OR51B5: variants seen among roughly 807,000 people sequenced by gnomAD.
OR51B5 encodes olfactory receptor 51B5.
For synonymous variants in OR51B5, 186 were observed against 144.8 expected (o/e 1.28, Z -2.04); for missense variants, 456 against 374.6 (o/e 1.22, Z -1.79).
chr11:5,351,585 C>T (rs1346526166), intron 1 of OR51B5: 21 of 1,613,980 alleles, frequency 1.3e-5, no homozygotes, highest in Non-Finnish European at 1.8e-5. Context: ...ACTGGATATT[C>T]ATCCCATTAT....
chr11:5,412,404 A>T (rs1269329246), intron 1 of OR51B5, among the ~76,000 whole-genome samples: 4 of 152,154 alleles, frequency 2.6e-5, no homozygotes, highest in Non-Finnish European at 5.9e-5. Context: ...CTGAGGTATC[A>T]GGTTCATCTC....
chr11:5,345,406 G>A (rs902054034), upstream of OR51B5, among the ~76,000 whole-genome samples: 2 of 152,022 alleles, frequency 1.3e-5, no homozygotes, highest in African/African-American at 4.8e-5. Flanking sequence ...AGAGACAGAT[G>A]CATTTTTGAA....
chr11:5,398,120 G>A (rs1348277242), intron 1 of OR51B5, among the ~76,000 whole-genome samples: 1 of 152,162 alleles, frequency 6.6e-6, no homozygotes, highest in Non-Finnish European at 1.5e-5. Flanking sequence ...GTTAATGGGT[G>A]CAGCACACCA....
intron 1 of OR51B5, among the ~76,000 whole-genome samples, chr11:5,400,474 T>C (rs540516779): frequency 3.8e-4 from 58 of 152,250 alleles, no homozygotes; most frequent in Admixed American, 2.2e-3. Context: ...CTGCACTACA[T>C]TGCATGCAAC....
At chr11:5,441,663 T>C (rs975633383) in intron 1 of OR51B5, 1 of 643,176 alleles carries the variant, frequency 1.6e-6, no homozygotes, top group African/African-American at 1.8e-5. Flanking sequence ...CTCATCTCTT[T>C]AAGGAAGCAA....
At chr11:5,431,203 T>C (rs942773773) in intron 1 of OR51B5, 12 of 361,430 alleles carry the variant, frequency 3.3e-5, no homozygotes, top group African/African-American at 2.6e-4. Context: ...GATGGCTGTA[T>C]AGCGCAGGAG....
intron 1 of OR51B5, among the ~76,000 whole-genome samples, chr11:5,501,847 A>G (rs1339312553): frequency 6.8e-6 from 1 of 147,630 alleles, no homozygotes; most frequent in Non-Finnish European, 1.5e-5. Flanking sequence ...TACATGTTCC[A>G]TGTTGGTTTG....
intron 1 of OR51B5, among the ~76,000 whole-genome samples, chr11:5,415,779 A>C (rs551768481): frequency 6.6e-5 from 10 of 152,298 alleles, no homozygotes; most frequent in African/African-American, 2.4e-4. Flanking sequence ...TTGTGGCAAT[A>C]ATCAATAGAT....
At chr11:5,450,105 T>C (rs935182941) in intron 1 of OR51B5, among the ~76,000 whole-genome samples, 1 of 152,110 alleles carries the variant, frequency 6.6e-6, no homozygotes, top group South Asian at 2.1e-4. Flanking sequence ...AAATAAGACA[T>C]ACACCAGGCG....
intron 1 of OR51B5, among the ~76,000 whole-genome samples, chr11:5,360,512 A>G (rs12796513): frequency 0.37 from 55,052 of 147,800 alleles, 10,622 homozygotes; most frequent in Non-Finnish European, 0.4. Context: ...AGAGGATGTG[A>G]AGAAGTAGGA....
chr11:5,406,904 A>G (rs1338574960), intron 1 of OR51B5, among the ~76,000 whole-genome samples: 2 of 152,130 alleles, frequency 1.3e-5, no homozygotes, highest in Non-Finnish European at 2.9e-5. Context: ...CAAGGAGACA[A>G]CTGTCAGAGC....
In OR51B5 at chr11:5,468,697, G is replaced by A. The variant is rs61748001; in HGVS notation, n.84+36872C>T. On this transcript the variant is annotated intron_variant and non_coding_transcript_variant, in intron 1 of 4. Transcript: ENST00000415970. ...CTGCATAGATATGTGACACACATGT[G>A]TTGAGTGTCTTAAGCCTCTCACCCC... is the stretch of plus-strand genomic sequence containing the variant. 2,260 of 456,548 alleles carry A rather than the reference G, an allele frequency of 5.0e-3. 42 individuals are homozygous for A. The highest frequency in any genetic ancestry group is 0.038 in the African/African-American group (1,931 of 50,162). 28.3% of individuals were successfully genotyped at this position (456,548 alleles called of 1,614,324 possible). A position where few individuals can be genotyped will look rare whatever the true frequency, so the allele number is the denominator to read the frequency against.
At chr11:5,444,513 G>C (rs1030941538) in intron 1 of OR51B5, among the ~76,000 whole-genome samples, 5 of 152,108 alleles carry the variant, frequency 3.3e-5, no homozygotes, top group African/African-American at 1.2e-4. Context: ...AGATATAAGG[G>C]TTAAAGGCTG....
chr11:5,367,051 G>A (rs943119843), intron 1 of OR51B5, among the ~76,000 whole-genome samples: 1 of 152,180 alleles, frequency 6.6e-6, no homozygotes, highest in Non-Finnish European at 1.5e-5. Flanking sequence ...TCTAGCAGCA[G>A]AGACCAAAGA....
chr11:5,363,485 C>A (rs1438794183), intron 1 of OR51B5, among the ~76,000 whole-genome samples: 4 of 151,724 alleles, frequency 2.6e-5, no homozygotes, highest in African/African-American at 9.7e-5. Flanking sequence ...AAGCGCCACA[C>A]ACACAATCAT....
At chr11:5,495,848 C>T (rs1165276625) in intron 1 of OR51B5, among the ~76,000 whole-genome samples, 1 of 152,210 alleles carries the variant, frequency 6.6e-6, no homozygotes, top group Admixed American at 6.5e-5. Flanking sequence ...CTCACTTTAG[C>T]TTTAAGGACA....
At chr11:5,461,789 C>G (rs1282308734) in intron 1 of OR51B5, among the ~76,000 whole-genome samples, 2 of 152,076 alleles carry the variant, frequency 1.3e-5, no homozygotes, top group African/African-American at 4.8e-5. Context: ...CTCATCCCGT[C>G]CCTACCAGCA....
intron 1 of OR51B5, chr11:5,390,657 A>C (rs963214295): frequency 4.7e-5 from 17 of 359,568 alleles, no homozygotes; most frequent in Non-Finnish European, 8.5e-5. Flanking sequence ...TGTAACTAAA[A>C]CTAAAATGAA....
At chr11:5,424,201 G>A (rs1385292733) in intron 1 of OR51B5, among the ~76,000 whole-genome samples, 1 of 152,138 alleles carries the variant, frequency 6.6e-6, no homozygotes, top group African/African-American at 2.4e-5. Context: ...GGAGCACAGT[G>A]GAAGGTAGTG....
Sources: gnomAD v4.1 joint callset for allele counts (sites outside exome capture counted in the v4.1 genomes callset) on GRCh38, gnomAD v4.1.1 for gene constraint, MANE v1.5 for transcripts, NCBI Gene and HGNC (gene_info 2026-07-23, HGNC 2026-07-21) for gene names.